TPTE: variants seen among roughly 807,000 people sequenced by gnomAD.
TPTE encodes putative tyrosine-protein phosphatase TPTE.
Under a neutral mutation model 84.1 loss-of-function variants are expected in TPTE, and 59 were observed. The ratio of observed to expected loss-of-function variants is 0.70; its 90% confidence interval spans 0.57 to 0.87. The LOEUF is 0.87. Among genes scored for constraint, TPTE ranks in the 40% least tolerant of loss-of-function variants. The probability of loss-of-function intolerance (pLI) is 0.00; values close to 1 mark genes in which losing one functional copy is unlikely to be tolerated. For missense variants in TPTE, 382 were observed against 659.6 expected, an observed-to-expected ratio of 0.58 and a Z score of 4.61; for synonymous variants, 130 against 223.5, an observed-to-expected ratio of 0.58 and a Z score of 3.73.
intron 7 of TPTE, among the ~76,000 whole-genome samples, chr21:10,545,885 T>A: frequency 6.6e-6 from 1 of 151,896 alleles, no homozygotes; most frequent in South Asian, 2.1e-4. Context: ...TCAGTAGTCA[T>A]GTATATATCC....
chr21:10,594,077 C>T (rs1309526963), intron 19 of TPTE, among the ~76,000 whole-genome samples: 1 of 152,312 alleles, frequency 6.6e-6, no homozygotes, highest in Non-Finnish European at 1.5e-5. Flanking sequence ...TACTATGTCC[C>T]CACTGCCAAT....
At chr21:10,562,235 C>G in intron 10 of TPTE, among the ~76,000 whole-genome samples, 1 of 152,310 alleles carries the variant, frequency 6.6e-6, no homozygotes, top group Non-Finnish European at 1.5e-5. Context: ...CAAGTTCTTT[C>G]AAATATCTGG....
At chr21:10,525,019 C>T (rs1357693351) in intron 2 of TPTE, among the ~76,000 whole-genome samples, 3 of 152,306 alleles carry the variant, frequency 2.0e-5, no homozygotes, top group African/African-American at 7.2e-5. Flanking sequence ...TCACTTTAAT[C>T]TTTCCTACAG....
intron 21 of TPTE, among the ~76,000 whole-genome samples, chr21:10,599,541 TATATATA>T (rs1407921792): frequency 6.6e-6 from 1 of 152,310 alleles, no homozygotes; most frequent in Non-Finnish European, 1.5e-5. Context: ...AATTAGATAA[TATATATA>T]AAGTTTCTTT....
chr21:10,536,898 G>A (rs1250116713), intron 3 of TPTE, among the ~76,000 whole-genome samples: 4 of 152,306 alleles, frequency 2.6e-5, no homozygotes, highest in African/African-American at 4.8e-5. Flanking sequence ...AGCAACAAGC[G>A]AGTAGCAGTG....
At chr21:10,566,288 G>A (rs1341258775) in intron 10 of TPTE, among the ~76,000 whole-genome samples, 2 of 152,310 alleles carry the variant, frequency 1.3e-5, no homozygotes, top group East Asian at 3.8e-4. Flanking sequence ...AATTCTCAGT[G>A]TAGAAAACTA....
At chr21:10,587,479 T>C (rs1401349106) in intron 17 of TPTE, among the ~76,000 whole-genome samples, 3 of 152,302 alleles carry the variant, frequency 2.0e-5, no homozygotes, top group African/African-American at 4.8e-5. Flanking sequence ...ATTTGGTTTT[T>C]TGTTCCTGCA....
intron 17 of TPTE, among the ~76,000 whole-genome samples, chr21:10,589,184 G>T (rs569003374): frequency 9.1e-4 from 139 of 151,928 alleles, no homozygotes; most frequent in African/African-American, 3.3e-3. Context: ...TAATATTATT[G>T]TTATTTTTTT....
intron 21 of TPTE, among the ~76,000 whole-genome samples, chr21:10,599,668 G>A (rs112367358): frequency 8.3e-4 from 126 of 151,968 alleles, no homozygotes; most frequent in African/African-American, 2.8e-3. Context: ...TATTTCCTTG[G>A]CTCTTGAGCT....
intron 8 of TPTE, among the ~76,000 whole-genome samples, chr21:10,556,273 ATGAG>A (rs2074681868): frequency 6.6e-6 from 1 of 152,298 alleles, no homozygotes; most frequent in African/African-American, 2.4e-5. Flanking sequence ...ATTCCCACCT[ATGAG>A]TGAGAACATG....
At chr21:10,554,762 TTTA>T (rs1169177725) in intron 8 of TPTE, among the ~76,000 whole-genome samples, 2 of 152,310 alleles carry the variant, frequency 1.3e-5, no homozygotes, top group African/African-American at 4.8e-5. Context: ...CTGTTTTGAA[TTTA>T]TTTTCTTCAT....
intron 23 of TPTE, 140 bp from the exon 24 acceptor site, chr21:10,605,277 C>T (rs1979138815): frequency 5.0e-6 from 6 of 1,208,772 alleles, no homozygotes; most frequent in African/African-American, 3.1e-5. Context: ...AAGGAGCCAA[C>T]TGAGACACAA....
At chr21:10,540,725 GAC>G (rs771863803) in intron 4 of TPTE, 8 of 519,710 alleles carry the variant, frequency 1.5e-5, no homozygotes, top group African/African-American at 1.5e-4. Context: ...GGGCAGGAGA[GAC>G]AACTAGGATG....
chr21:10,549,999 T>A (rs2074543187), intron 7 of TPTE, among the ~76,000 whole-genome samples: 1 of 152,310 alleles, frequency 6.6e-6, no homozygotes, highest in South Asian at 2.1e-4. Context: ...TAGAAGAGAA[T>A]GGGATGATAC....
At chr21:10,559,914 T>A (rs548383338) in intron 9 of TPTE, among the ~76,000 whole-genome samples, 3 of 151,576 alleles carry the variant, frequency 2.0e-5, no homozygotes, top group South Asian at 4.2e-4. Flanking sequence ...TATATGAGTC[T>A]CATATATATC....
intron 8 of TPTE, among the ~76,000 whole-genome samples, chr21:10,558,535 ACATG>A (rs1240728975): frequency 2.0e-4 from 30 of 152,412 alleles, no homozygotes; most frequent in Non-Finnish European, 3.5e-4. Context: ...TTTGTTGGCC[ACATG>A]CATGTCTTCT....
Position 10,569,447 on chromosome 21 carries a change from T to C in TPTE, c.577T>C (p.Leu193=), listed in dbSNP as rs1339803142. 1 of 1,613,158 alleles carries C rather than the reference T, an allele frequency of 6.2e-7. No homozygotes were observed. Among genetic ancestry groups the C allele is most frequent in the African/African-American group, 1.3e-5 (1 of 74,928 alleles). ...LLRNIPRWTH[L]LRLLRLIILL... The stretch of plus-strand genomic sequence containing the variant: ...TAAATTTATTCTTAGATGGACACAT[T>C]TACTTCGACTTCTACGACTTATTAT... The change falls in exon 12 of 24, where the codon TTA becomes CTA. Residue 193 remains leucine (L), a synonymous_variant. Coordinates refer to ENST00000618007, the MANE Select transcript of TPTE (RefSeq NM_199261.4).
At chr21:10,600,395 T>C (rs1479476873) in intron 21 of TPTE, among the ~76,000 whole-genome samples, 1 of 152,304 alleles carries the variant, frequency 6.6e-6, no homozygotes, top group Non-Finnish European at 1.5e-5. Flanking sequence ...CACCTCAACC[T>C]ACCAAAGTGC....
At chr21:10,599,969 A>C in intron 21 of TPTE, among the ~76,000 whole-genome samples, 1 of 152,130 alleles carries the variant, frequency 6.6e-6, no homozygotes, top group Non-Finnish European at 1.5e-5. Flanking sequence ...GCAATCCCCC[A>C]ATTTTTTTTA....
Sources: allele counts gnomAD v4.1 joint callset (sites outside exome capture counted in the v4.1 genomes callset), GRCh38; gene constraint gnomAD v4.1.1; transcripts MANE v1.5; gene names NCBI Gene and HGNC (gene_info 2026-07-23, HGNC 2026-07-21).